RALGPS1: variants seen among roughly 807,000 people sequenced by gnomAD.
RALGPS1 encodes Ral GEF with PH domain and SH3 binding motif 1.
Under a neutral mutation model 78.8 loss-of-function variants are expected in RALGPS1, and 19 were observed. That is an observed-to-expected ratio of 0.24 (90% CI 0.17 to 0.35). The LOEUF is 0.35. Ranked by LOEUF, RALGPS1 falls within the 10% of genes least tolerant of loss-of-function variation. RALGPS1 has a pLI of 1.00. For missense variants in RALGPS1, 454 were observed against 688.3 expected, an observed-to-expected ratio of 0.66 and a Z score of 3.81; for synonymous variants, 228 against 256.3, an observed-to-expected ratio of 0.89 and a Z score of 1.06.
intron 8 of RALGPS1, among the ~76,000 whole-genome samples, chr9:127,145,002 AAATAAT>A (rs763927290): frequency 7.9e-5 from 12 of 152,356 alleles, no homozygotes; most frequent in South Asian, 2.1e-4. Flanking sequence ...CCACAATAAA[AAATAAT>A]AATAATATAG....
At chr9:127,007,021 G>A (rs139703291) in intron 4 of RALGPS1, among the ~76,000 whole-genome samples, 17 of 152,310 alleles carry the variant, frequency 1.1e-4, no homozygotes, top group African/African-American at 3.6e-4. Context: ...GATAAATTGT[G>A]TACAACATTT....
At chr9:126,960,668 A>G (rs1378552675) in intron 1 of RALGPS1, among the ~76,000 whole-genome samples, 3 of 152,168 alleles carry the variant, frequency 2.0e-5, no homozygotes, top group East Asian at 3.9e-4. Context: ...ACTGGAGCCA[A>G]CTGCAATTAT....
Position 127,109,992 on chromosome 9 carries a change from A to G in RALGPS1, c.610+40636A>G, listed in dbSNP as rs528476891. Reference sequence around the variant, plus strand: ...TCCAGCAGTCCTCACCGTCTCCCCAACATCAGGATGGTTTTCCTATAATCA... The same window carrying G: ...TCCAGCAGTCCTCACCGTCTCCCCAGCATCAGGATGGTTTTCCTATAATCA... On this transcript the variant is annotated intron_variant, in intron 8 of 18. Transcript: ENST00000259351. 9.1e-4 allele frequency among the ~76,000 whole-genome samples: 138 copies of G among 152,276 alleles called. 1 individual carries two copies. Among genetic ancestry groups the G allele is most frequent in the Non-Finnish European group, 1.8e-3 (121 of 68,020 alleles).
chr9:127,090,371 C>T (rs1167161641), intron 8 of RALGPS1, among the ~76,000 whole-genome samples: 1 of 152,266 alleles, frequency 6.6e-6, no homozygotes, highest in African/African-American at 2.4e-5. Context: ...TCCTTCTGCC[C>T]TGCTCTTCTA....
At chr9:127,018,771 T>C (rs1337163261) in intron 4 of RALGPS1, among the ~76,000 whole-genome samples, 1 of 152,168 alleles carries the variant, frequency 6.6e-6, no homozygotes, top group Non-Finnish European at 1.5e-5. Context: ...GCTGTACCTT[T>C]ATGTGACTGG....
chr9:127,148,375 G>A (rs926016220), intron 8 of RALGPS1, among the ~76,000 whole-genome samples: 2 of 152,232 alleles, frequency 1.3e-5, no homozygotes, highest in East Asian at 3.8e-4. Context: ...CCATTGTCAG[G>A]CCCATAAGGG....
intron 7 of RALGPS1, among the ~76,000 whole-genome samples, chr9:127,061,283 T>C (rs1192228703): frequency 6.6e-6 from 1 of 152,242 alleles, no homozygotes; most frequent in African/African-American, 2.4e-5. Context: ...CCAAGTCATG[T>C]GTGCAAGAGA....
intron 3 of RALGPS1, 31 bp from the exon 4 acceptor site, chr9:126,977,664 A>G: frequency 2.0e-6 from 3 of 1,482,784 alleles, no homozygotes; most frequent in Non-Finnish European, 2.8e-6. Flanking sequence ...GATGTACAGT[A>G]TTTTCTAAAA....
chr9:127,120,789 C>T (rs1468749643), intron 8 of RALGPS1, among the ~76,000 whole-genome samples: 1 of 151,438 alleles, frequency 6.6e-6, no homozygotes, highest in African/African-American at 2.4e-5. Flanking sequence ...GATCATGCCA[C>T]TGCACTCCAG....
intron 7 of RALGPS1, among the ~76,000 whole-genome samples, chr9:127,067,800 G>C (rs1288166863): frequency 1.3e-5 from 2 of 152,218 alleles, no homozygotes; most frequent in African/African-American, 2.4e-5. Flanking sequence ...TAGACTCACA[G>C]GTGCTGCCAG....
chr9:127,218,844 G>C lies in RALGPS1; in HGVS notation c.*75G>C. On this transcript the variant is annotated 3_prime_UTR_variant, in exon 19 of 19. Transcript: ENST00000259351. This position sits in a 1 kb window ranked among gnomAD's most constrained non-coding sequence, Gnocchi z 4.4. Reference sequence around the variant, plus strand: ...GGGCCTGGTGGTGAAGAGCAGTCCTGGGCACAGGCTGTGAGCCAGGGTGCT... The same window carrying C: ...GGGCCTGGTGGTGAAGAGCAGTCCTCGGCACAGGCTGTGAGCCAGGGTGCT... 1 of 1,513,974 alleles carries C rather than the reference G, an allele frequency of 6.6e-7. No homozygotes were observed. Among genetic ancestry groups the C allele is most frequent in the Non-Finnish European group, 9.2e-7 (1 of 1,089,088 alleles). 93.8% of individuals were successfully genotyped at this position (1,513,974 alleles called of 1,614,324 possible). A position where few individuals can be genotyped will look rare whatever the true frequency, so the allele number is the denominator to read the frequency against.
chr9:127,055,711 C>A (rs1239704278), intron 7 of RALGPS1, among the ~76,000 whole-genome samples: 1 of 152,208 alleles, frequency 6.6e-6, no homozygotes, highest in Non-Finnish European at 1.5e-5. Context: ...CTCTTAACCA[C>A]CATACCCCAC....
chr9:127,032,769 C>T (rs1051473124), intron 4 of RALGPS1, among the ~76,000 whole-genome samples: 14 of 152,040 alleles, frequency 9.2e-5, no homozygotes, highest in African/African-American at 2.9e-4. Flanking sequence ...GCAAGAAGAT[C>T]GCTTAAGGCC....
At chr9:127,069,176 AC>A (rs3832609) in intron 7 of RALGPS1, 53 bp from the exon 8 acceptor site, 664,605 of 1,517,132 alleles carry the variant, frequency 0.44, 152,363 homozygotes, top group Non-Finnish European at 0.47. Flanking sequence ...ACAGTTATCC[AC>A]TCTTTAGCTT....
intron 13 of RALGPS1, 64 bp downstream of exon 13, chr9:127,196,695 C>T: frequency 1.3e-6 from 2 of 1,491,612 alleles, no homozygotes; most frequent in Non-Finnish European, 1.8e-6. Flanking sequence ...TGCTCCGTGT[C>T]TGTCTCTGTG....
chr9:126,939,471 G>A (rs2036557754), intron 1 of RALGPS1, among the ~76,000 whole-genome samples: 2 of 152,184 alleles, frequency 1.3e-5, no homozygotes, highest in South Asian at 4.1e-4. Flanking sequence ...TTCAGTTAAG[G>A]AACTTAACAC....
intron 1 of RALGPS1, among the ~76,000 whole-genome samples, chr9:126,932,204 C>T (rs2035856597): frequency 6.6e-6 from 1 of 152,116 alleles, no homozygotes; most frequent in African/African-American, 2.4e-5. Context: ...TGGTATCTTT[C>T]TTACTAGAAT....
chr9:127,071,826 T>G (rs149149712), intron 8 of RALGPS1, among the ~76,000 whole-genome samples: 1 of 152,362 alleles, frequency 6.6e-6, no homozygotes, highest in African/African-American at 2.4e-5. Flanking sequence ...TGAAATATAA[T>G]TAATACATAA....
At chr9:127,110,256 G>GGC (rs1171332176) in intron 8 of RALGPS1, among the ~76,000 whole-genome samples, 1 of 152,136 alleles carries the variant, frequency 6.6e-6, no homozygotes, top group Non-Finnish European at 1.5e-5. Flanking sequence ...CAGATGGAAG[G>GGC]GCTGGTTCTT....
Sources: gnomAD v4.1 joint callset for allele counts (sites outside exome capture counted in the v4.1 genomes callset) on GRCh38, gnomAD v4.1.1 for gene constraint, Gnocchi (gnomAD v3.1) non-coding constraint, MANE v1.5 for transcripts, NCBI Gene and HGNC (gene_info 2026-07-23, HGNC 2026-07-21) for gene names.